The following NEK1 variants were observed in gnomAD, a reference collection of about 807,000 sequenced individuals.
NEK1 encodes serine/threonine-protein kinase Nek1.
Under a neutral mutation model 182.1 loss-of-function variants are expected in NEK1, and 137 were observed. That is an observed-to-expected ratio of 0.75 (90% CI 0.65 to 0.87). The LOEUF (loss-of-function observed/expected upper bound fraction) is 0.87, where lower values mean the gene tolerates loss of function less well. Ranked by LOEUF, NEK1 falls within the 40% of genes least tolerant of loss-of-function variation. The pLI, the probability that NEK1 is intolerant of heterozygous loss-of-function variation, is 0.00. For missense variants in NEK1, 1,391 were observed against 1,494.4 expected, an observed-to-expected ratio of 0.93 and a Z score of 1.14; for synonymous variants, 513 against 492.2, an observed-to-expected ratio of 1.04 and a Z score of -0.56.
At chr4:169,448,765 T>C (rs571708258) in intron 27 of NEK1, among the ~76,000 whole-genome samples, 1 of 152,196 alleles carries the variant, frequency 6.6e-6, no homozygotes, top group African/African-American at 2.4e-5. Flanking sequence ...GATTTCTGCA[T>C]TTCCAACTGA....
At chr4:169,459,406 T>C (rs755272793) in intron 27 of NEK1, among the ~76,000 whole-genome samples, 1 of 152,164 alleles carries the variant, frequency 6.6e-6, no homozygotes, top group African/African-American at 2.4e-5. Flanking sequence ...GGAGAGGACA[T>C]GGAGTAAAAG....
Position 169,438,200 on chromosome 4 carries a change from A to C in NEK1, c.2647T>G (p.Cys883Gly). The change falls in exon 28 of 36, where the codon TGT (cysteine) becomes GGT (glycine). Residue 883 changes from cysteine to glycine, a missense_variant. Transcript: ENST00000507142. ...PLITGEKKVQ[C>G]ISHEINPSAI... ...GATGGGTTTATTTCATGTGAAATAC[A>C]TTGTACTTTTTTTTCTCCAGTAATT... 6.3e-7 allele frequency: 1 copy of C among 1,586,630 alleles called. No individual in the cohort carries two copies. The highest frequency in any genetic ancestry group is 8.6e-7 in the Non-Finnish European group (1 of 1,164,732).
chr4:169,480,806 T>C (rs1381522380), intron 23 of NEK1, among the ~76,000 whole-genome samples: 4 of 152,200 alleles, frequency 2.6e-5, no homozygotes, highest in African/African-American at 9.7e-5. Flanking sequence ...CTTGAACTTC[T>C]GGCTTCAATG....
intron 19 of NEK1, among the ~76,000 whole-genome samples, chr4:169,512,832 C>T (rs1215315700): frequency 6.6e-6 from 1 of 152,064 alleles, no homozygotes; most frequent in Non-Finnish European, 1.5e-5. Context: ...ATTCCTCCCA[C>T]AATAATATTG....
chr4:169,512,096 A>G (rs999145273), intron 19 of NEK1, among the ~76,000 whole-genome samples: 1 of 152,136 alleles, frequency 6.6e-6, no homozygotes, highest in African/African-American at 2.4e-5. Context: ...TGAGTTTCTA[A>G]GTGACAACAA....
intron 10 of NEK1, among the ~76,000 whole-genome samples, chr4:169,582,879 C>T (rs1351832454): frequency 2.0e-5 from 3 of 152,068 alleles, no homozygotes; most frequent in Non-Finnish European, 4.4e-5. Flanking sequence ...AGATATAGAA[C>T]ATTTTCATCA....
chr4:169,573,094 A>G (rs1270782482), intron 12 of NEK1, among the ~76,000 whole-genome samples: 3 of 152,260 alleles, frequency 2.0e-5, no homozygotes, highest in African/African-American at 7.2e-5. Context: ...TGCAGGAGAG[A>G]GCGCAAAGTC....
intron 31 of NEK1, among the ~76,000 whole-genome samples, chr4:169,408,782 T>A (rs912869565): frequency 8.5e-5 from 13 of 152,248 alleles, no homozygotes; most frequent in Non-Finnish European, 1.5e-4. Flanking sequence ...TCCATCCAAG[T>A]TGCTGCAAAA....
intron 18 of NEK1, among the ~76,000 whole-genome samples, chr4:169,544,272 T>C (rs909871453): frequency 6.6e-6 from 1 of 152,214 alleles, no homozygotes; most frequent in Non-Finnish European, 1.5e-5. Flanking sequence ...ATCATGTTTA[T>C]TGATTTGTGG....
At chr4:169,606,081 TAAA>T (rs1239568957) in intron 2 of NEK1, among the ~76,000 whole-genome samples, 1 of 151,730 alleles carries the variant, frequency 6.6e-6, no homozygotes, top group Non-Finnish European at 1.5e-5. Context: ...AGAAGAAAAT[TAAA>T]AAGTCAGAAA....
At chr4:169,470,869 G>A (rs759522702) in intron 26 of NEK1, among the ~76,000 whole-genome samples, 3 of 151,844 alleles carry the variant, frequency 2.0e-5, no homozygotes, top group African/African-American at 4.8e-5. Context: ...ATTTCATTAG[G>A]TTGATCTTCA....
chr4:169,611,185 T>C (rs953943521), intron 2 of NEK1, among the ~76,000 whole-genome samples: 21 of 152,196 alleles, frequency 1.4e-4, no homozygotes, highest in Admixed American at 6.5e-4. Flanking sequence ...ACAATGTCAA[T>C]GTACTATTCA....
intron 27 of NEK1, among the ~76,000 whole-genome samples, chr4:169,450,871 G>T (rs1344634758): frequency 6.6e-6 from 1 of 150,988 alleles, no homozygotes; most frequent in Non-Finnish European, 1.5e-5. Context: ...GCAAATTGGT[G>T]TGCTGTATTT....
At chr4:169,451,788 G>C (rs11940098) in intron 27 of NEK1, among the ~76,000 whole-genome samples, 14,255 of 152,236 alleles carry the variant, frequency 0.094, 759 homozygotes, top group East Asian at 0.17. Flanking sequence ...ACTAAGATCA[G>C]AGCAGAACTG....
At chr4:169,568,937 CA>C (rs71590018) in intron 12 of NEK1, among the ~76,000 whole-genome samples, 190 of 91,370 alleles carry the variant, frequency 2.1e-3, no homozygotes, top group Non-Finnish European at 2.3e-3. Flanking sequence ...AACTCCATTT[CA>C]AAAAAAAAAA....
intron 19 of NEK1, among the ~76,000 whole-genome samples, chr4:169,527,252 C>T (rs1757020804): frequency 6.6e-6 from 1 of 151,968 alleles, no homozygotes; most frequent in Non-Finnish European, 1.5e-5. Flanking sequence ...ATGAAATAGA[C>T]ATTCTCAAAT....
rs938817073 is a variant in NEK1 at position 169,505,275 on chromosome 4, A to AT, written c.2007+1761dup. Among the ~76,000 whole-genome samples the AT allele has an allele frequency of 1.5e-4, 22 of 151,228 alleles. No homozygotes were observed. The South Asian group carries it at 4.4e-3, about 30-fold the overall frequency. Reference sequence around the variant, plus strand: ...ACCAGCACAAATCCACTTACACACAATTTTTTTTTCTGCCTCTGCCACCCG... The same window carrying AT: ...ACCAGCACAAATCCACTTACACACAATTTTTTTTTTCTGCCTCTGCCACCCG... On this transcript the variant is annotated intron_variant, in intron 23 of 35. Transcript: ENST00000507142.
At chr4:169,398,179 C>T (rs1286371805) in intron 35 of NEK1, among the ~76,000 whole-genome samples, 2 of 151,958 alleles carry the variant, frequency 1.3e-5, no homozygotes, top group African/African-American at 2.4e-5. Flanking sequence ...TCCACAAGTA[C>T]CAGAAAATGT....
chr4:169,518,294 G>C (rs1239490403), intron 19 of NEK1, among the ~76,000 whole-genome samples: 1 of 39,122 alleles, frequency 2.6e-5, no homozygotes, highest in Admixed American at 2.8e-4. Flanking sequence ...TATTTGCGTA[G>C]AGGTGTTTGT....
Sources: allele counts gnomAD v4.1 joint callset (sites outside exome capture counted in the v4.1 genomes callset), GRCh38; gene constraint gnomAD v4.1.1; transcripts MANE v1.5; gene names NCBI Gene and HGNC (gene_info 2026-07-23, HGNC 2026-07-21).